AGBL1: variants seen among roughly 807,000 people sequenced by gnomAD.
AGBL1 encodes cytosolic carboxypeptidase 4.
AGBL1 carries 130 observed loss-of-function variants against 118.9 expected under a neutral mutation model. That is an observed-to-expected ratio of 1.09 (90% CI 0.95 to 1.26). AGBL1 has a LOEUF of 1.26. Among genes scored for constraint, AGBL1 ranks in the 50% most tolerant of loss-of-function variants. AGBL1 has a pLI of 0.00. For missense variants in AGBL1, 1,584 were observed against 1,298.1 expected, an observed-to-expected ratio of 1.22 and a Z score of -3.38; for synonymous variants, 555 against 478.9, an observed-to-expected ratio of 1.16 and a Z score of -2.08.
chr15:86,710,921 A>G (rs1306000598), intron 22 of AGBL1, among the ~76,000 whole-genome samples: 1 of 152,182 alleles, frequency 6.6e-6, no homozygotes, highest in African/African-American at 2.4e-5. Context: ...AATAAGAATC[A>G]TAATAGTTTC....
chr15:86,818,090 G>A (rs1445386466), intron 22 of AGBL1, among the ~76,000 whole-genome samples: 1 of 151,894 alleles, frequency 6.6e-6, no homozygotes, highest in Non-Finnish European at 1.5e-5. Flanking sequence ...GCAAGTTTGT[G>A]TGTGCGTGTG....
At chr15:86,704,513 C>A (rs1025889328) in intron 22 of AGBL1, among the ~76,000 whole-genome samples, 5 of 152,080 alleles carry the variant, frequency 3.3e-5, no homozygotes, top group African/African-American at 1.2e-4. Context: ...ATTTATGTGG[C>A]CAACAAACAT....
intron 5 of AGBL1, among the ~76,000 whole-genome samples, chr15:86,163,228 G>A (rs1394449291): frequency 6.6e-6 from 1 of 152,214 alleles, no homozygotes; most frequent in African/African-American, 2.4e-5. Flanking sequence ...CTTGAGGCCA[G>A]GAGTTTGCGA....
At chr15:86,320,999 C>T (rs2080096511) in intron 17 of AGBL1, among the ~76,000 whole-genome samples, 1 of 151,976 alleles carries the variant, frequency 6.6e-6, no homozygotes, top group Non-Finnish European at 1.5e-5. Flanking sequence ...ATTAAATTTG[C>T]TTTTACTTTG....
chr15:86,735,143 G>A (rs1011277283), intron 22 of AGBL1, among the ~76,000 whole-genome samples: 13 of 152,008 alleles, frequency 8.6e-5, no homozygotes, highest in East Asian at 7.7e-4. Context: ...GTGCAGTGGC[G>A]CGATCTTGGC....
intron 20 of AGBL1, among the ~76,000 whole-genome samples, chr15:86,551,360 G>A (rs1567053286): frequency 6.6e-6 from 1 of 152,006 alleles, no homozygotes; most frequent in East Asian, 1.9e-4. Flanking sequence ...ACAAAGAAAA[G>A]AAAGAAGATA....
At chr15:86,604,319 T>C (rs2084540935) in intron 21 of AGBL1, among the ~76,000 whole-genome samples, 1 of 152,232 alleles carries the variant, frequency 6.6e-6, no homozygotes, top group Non-Finnish European at 1.5e-5. Flanking sequence ...TTATTTGTTT[T>C]ATTATAATTA....
intron 16 of AGBL1, among the ~76,000 whole-genome samples, chr15:86,282,851 C>T (rs1409642199): frequency 3.3e-5 from 5 of 152,176 alleles, no homozygotes; most frequent in Admixed American, 1.3e-4. Context: ...TCATAATTTG[C>T]GAGTCTCCTA....
In AGBL1 at chr15:86,297,669, C is replaced by T. The variant is rs140499987; in HGVS notation, c.2374+2261C>T. ...CTATTTTTCCCACTCCCTGAAAATA[C>T]TATTTGTATGGATTATGTAGCTGAT... On this transcript the variant is annotated intron_variant, in intron 17 of 22. Transcript: ENST00000614907. Among the ~76,000 whole-genome samples, 342 of 152,276 alleles carry T rather than the reference C, an allele frequency of 2.2e-3. 1 individual carries two copies. The highest frequency in any genetic ancestry group is 7.8e-3 in the African/African-American group (323 of 41,568).
In AGBL1 at chr15:86,914,319, C is replaced by T. The variant is rs2080392267; in HGVS notation, c.*7025C>T. ...AAAATCTGCCTGTGTTTCTGCTCTGCTCAGACAATCACATAAGTGACTCAT... is the reference window on the plus strand; with the variant it reads ...AAAATCTGCCTGTGTTTCTGCTCTGTTCAGACAATCACATAAGTGACTCAT... On this transcript the variant is annotated 3_prime_UTR_variant, in exon 23 of 23. Coordinates refer to ENST00000614907, the MANE Select transcript of AGBL1 (RefSeq NM_001386094.1). 6.6e-6 allele frequency: 1 copy of T among 152,198 alleles called. No homozygotes were observed. The highest frequency in any genetic ancestry group is 2.4e-5 in the African/African-American group (1 of 41,466). 9.4% of individuals were successfully genotyped at this position (152,198 alleles called of 1,614,324 possible).
chr15:86,927,949 A>ATAT (rs1356615730), intron 23 of AGBL1, among the ~76,000 whole-genome samples: 125 of 129,554 alleles, frequency 9.6e-4, no homozygotes, highest in Middle Eastern at 4.3e-3. Flanking sequence ...TATATATATA[A>ATAT]AATGTGTGTG....
intron 20 of AGBL1, among the ~76,000 whole-genome samples, chr15:86,551,724 C>A (rs1315561781): frequency 6.6e-6 from 1 of 152,080 alleles, no homozygotes; most frequent in Non-Finnish European, 1.5e-5. Context: ...ATCCTGATAC[C>A]AAAGCCAAAA....
chr15:86,981,881 G>C (rs999784189), intron 23 of AGBL1, among the ~76,000 whole-genome samples: 1 of 152,084 alleles, frequency 6.6e-6, no homozygotes, highest in Non-Finnish European at 1.5e-5. Context: ...AGAGTAAGTG[G>C]ATCTTAGTCC....
chr15:86,219,299 A>G (rs1283694223), intron 5 of AGBL1, among the ~76,000 whole-genome samples: 2 of 152,138 alleles, frequency 1.3e-5, no homozygotes, highest in African/African-American at 4.8e-5. Context: ...TCCAAATGTA[A>G]TTGTGGTTTT....
At chr15:86,338,388 A>G (rs1442267011) in intron 17 of AGBL1, among the ~76,000 whole-genome samples, 1 of 152,140 alleles carries the variant, frequency 6.6e-6, no homozygotes, top group Admixed American at 6.5e-5. Flanking sequence ...TTCTGCAGAC[A>G]CTGGTAGCAG....
chr15:87,011,960 C>G (rs2081564594), intron 24 of AGBL1, among the ~76,000 whole-genome samples: 1 of 151,928 alleles, frequency 6.6e-6, no homozygotes, highest in African/African-American at 2.4e-5. Flanking sequence ...CGTTTACTTT[C>G]CATAGAGCTA....
At chr15:86,798,973 A>G (rs1281495173) in intron 22 of AGBL1, among the ~76,000 whole-genome samples, 1 of 152,006 alleles carries the variant, frequency 6.6e-6, no homozygotes, top group East Asian at 1.9e-4. Flanking sequence ...GAGGAAAATT[A>G]AAATAATAAA....
intron 13 of AGBL1, among the ~76,000 whole-genome samples, chr15:86,269,689 G>A (rs1455551707): frequency 1.3e-5 from 2 of 151,942 alleles, no homozygotes; most frequent in African/African-American, 4.8e-5. Flanking sequence ...AAAAATATGC[G>A]CTATTGTGTA....
chr15:86,556,285 G>A lies in AGBL1; in HGVS notation c.2994+1748G>A, dbSNP rs773797864. ...GGGCTCACCCAGTGGATGGCCTTCA[G>A]GTATTGGAGCAGCATTTATCTTGTG... On this transcript the variant is annotated intron_variant, in intron 21 of 22. Transcript: ENST00000614907. 1.9e-6 allele frequency: 3 copies of A among 1,611,120 alleles called. No individual in the cohort carries two copies. The South Asian group carries it at 3.3e-5, about 18-fold the overall frequency.
Sources: gnomAD v4.1 joint callset for allele counts (sites outside exome capture counted in the v4.1 genomes callset) on GRCh38, gnomAD v4.1.1 for gene constraint, MANE v1.5 for transcripts, NCBI Gene and HGNC (gene_info 2026-07-23, HGNC 2026-07-21) for gene names.